ADARB2: variants seen among roughly 807,000 people sequenced by gnomAD.
The protein encoded by ADARB2 is adenosine deaminase RNA specific B2 (inactive).
In ADARB2, 25 loss-of-function variants were observed where a neutral mutation model predicts 62.2. That is an observed-to-expected ratio of 0.40 (90% CI 0.29 to 0.56). The LOEUF is 0.56. ADARB2 is among the 20% of genes least tolerant of loss of function. The probability of loss-of-function intolerance (pLI) is 0.43; values close to 1 mark genes in which losing one functional copy is unlikely to be tolerated. For missense variants in ADARB2, 1,071 were observed against 1,077.4 expected (o/e 0.99, Z 0.08); for synonymous variants, 572 against 500.8 (o/e 1.14, Z -1.90).
intron 1 of ADARB2, among the ~76,000 whole-genome samples, chr10:1,725,242 A>C (rs1835148571): frequency 6.6e-6 from 1 of 152,156 alleles, no homozygotes; most frequent in Admixed American, 6.5e-5. Context: ...TTTGCCTGGA[A>C]TGTGAGTAAA....
Position 1,341,385 on chromosome 10 carries a change from A to G in ADARB2, c.1077+21643T>C, listed in dbSNP as rs573685947. Among the ~76,000 whole-genome samples the G allele has an allele frequency of 2.7e-5, 4 of 149,362 alleles. No individual in the cohort carries two copies. The South Asian group carries it at 8.6e-4, about 32-fold the overall frequency. ...GATAATCAGCATCAGCCAGAGAACC[A>G]CATGCCCCACAGCGGCAATAACCAG... On this transcript the variant is annotated intron_variant, in intron 3 of 9. Coordinates refer to ENST00000381312, the MANE Select transcript of ADARB2 (RefSeq NM_018702.4).
intron 3 of ADARB2, among the ~76,000 whole-genome samples, chr10:1,273,343 C>T (rs1831282682): frequency 6.6e-6 from 1 of 152,180 alleles, no homozygotes; most frequent in African/African-American, 2.4e-5. Context: ...TCACTGCAAC[C>T]TTGAATTTTT....
At chr10:1,503,593 G>A (rs1221967422) in intron 1 of ADARB2, among the ~76,000 whole-genome samples, 16 of 152,052 alleles carry the variant, frequency 1.1e-4, no homozygotes, top group African/African-American at 3.9e-4. Context: ...ATAAAGGGCC[G>A]TGATATGGTT....
In ADARB2 at chr10:1,675,602, T is replaced by G. The variant is rs115721383; in HGVS notation, c.100+61449A>C. Among the ~76,000 whole-genome samples, 824 of 149,946 alleles carry G rather than the reference T, an allele frequency of 5.5e-3. 5 individuals carry two copies. Among genetic ancestry groups the G allele is most frequent in the African/African-American group, 0.019 (777 of 40,572 alleles). On this transcript the variant is annotated intron_variant, in intron 1 of 9. Coordinates refer to ENST00000381312, the MANE Select transcript of ADARB2 (RefSeq NM_018702.4). ...GGGATGCACGGAAGTTCTGGAGGCT[T>G]GGGTTGGGGGGTACATGGATGTTCT...
chr10:1,316,241 G>C (rs1448355836), intron 3 of ADARB2, among the ~76,000 whole-genome samples: 1 of 152,240 alleles, frequency 6.6e-6, no homozygotes, highest in Non-Finnish European at 1.5e-5. Flanking sequence ...ACATCCCTGT[G>C]ACAGGCGGCG....
intron 1 of ADARB2, among the ~76,000 whole-genome samples, chr10:1,681,977 C>T (rs929396439): frequency 6.6e-5 from 10 of 152,180 alleles, no homozygotes; most frequent in Non-Finnish European, 1.3e-4. Context: ...AATGAAATTC[C>T]CGAGCTTCGG....
At chr10:1,353,403 T>C (rs536773056) in intron 3 of ADARB2, among the ~76,000 whole-genome samples, 2 of 152,218 alleles carry the variant, frequency 1.3e-5, no homozygotes, top group Admixed American at 1.3e-4. Context: ...TGTACCCGCT[T>C]ACATGCAGAC....
intron 3 of ADARB2, among the ~76,000 whole-genome samples, chr10:1,360,280 C>T (rs138144271): frequency 5.1e-4 from 77 of 152,322 alleles, no homozygotes; most frequent in African/African-American, 1.7e-3. Flanking sequence ...TGCCCTTTTC[C>T]GAGCGTGGGA....
intron 1 of ADARB2, among the ~76,000 whole-genome samples, chr10:1,386,424 T>C (rs2820600): frequency 0.94 from 142,194 of 152,014 alleles, 67,229 homozygotes; most frequent in Non-Finnish European, 1. Context: ...CTACAAAAAC[T>C]TACTTCAAGT....
At chr10:1,376,897 G>C (rs1430196958) in intron 2 of ADARB2, among the ~76,000 whole-genome samples, 1 of 150,580 alleles carries the variant, frequency 6.6e-6, no homozygotes, top group Non-Finnish European at 1.5e-5. Flanking sequence ...GTGTGCTCCT[G>C]GGGTGTGTGT....
intron 6 of ADARB2, among the ~76,000 whole-genome samples, chr10:1,228,782 C>T (rs558690245): frequency 3.3e-5 from 5 of 152,324 alleles, no homozygotes; most frequent in Admixed American, 6.5e-5. Context: ...TGCCACAGAG[C>T]GGGGAGTCCA....
At chr10:1,323,900 A>C (rs1336022949) in intron 3 of ADARB2, among the ~76,000 whole-genome samples, 2 of 152,210 alleles carry the variant, frequency 1.3e-5, no homozygotes, top group African/African-American at 2.4e-5. Context: ...AAATGGAAGA[A>C]ATGGATTTCA....
At chr10:1,294,229 G>A (rs767709340) in intron 3 of ADARB2, among the ~76,000 whole-genome samples, 19 of 152,294 alleles carry the variant, frequency 1.2e-4, no homozygotes, top group East Asian at 7.7e-4. Context: ...TCTCTCCATC[G>A]GGGTGTGCTT....
intron 1 of ADARB2, among the ~76,000 whole-genome samples, chr10:1,724,983 T>A (rs1223438808): frequency 2.6e-5 from 4 of 152,188 alleles, no homozygotes; most frequent in African/African-American, 9.7e-5. Context: ...TAGGACAGGA[T>A]AAGGGCTCAG....
chr10:1,518,687 C>T (rs1248951486), intron 1 of ADARB2, among the ~76,000 whole-genome samples: 6 of 151,280 alleles, frequency 4.0e-5, no homozygotes, highest in African/African-American at 1.5e-4. Context: ...AAAGTCTGTA[C>T]ACAAAGTGGT....
chr10:1,225,361 T>A (rs1044629573), intron 6 of ADARB2, among the ~76,000 whole-genome samples: 4 of 150,264 alleles, frequency 2.7e-5, no homozygotes, highest in South Asian at 2.1e-4. Flanking sequence ...TTGACTCTTT[T>A]TCCAATTTGC....
rs1184577125 is a variant in ADARB2 at position 1,183,047 on chromosome 10, C to T, written c.*146G>A. The T allele has an allele frequency of 1.1e-6, 1 of 919,072 alleles. No homozygotes were observed. The highest frequency in any genetic ancestry group is 1.6e-6 in the Non-Finnish European group (1 of 622,788). The allele number at this position is 919,072 out of a possible 1,614,324, so 56.9% of individuals were successfully genotyped here. On this transcript the variant is annotated 3_prime_UTR_variant, in exon 10 of 10. Transcript: ENST00000381312. The stretch of plus-strand genomic sequence containing the variant: ...GGCACGTTCTGAATTTGTGTTGTTG[C>T]TCGTCCAAACATTGCACACTCGCGT...
intron 4 of ADARB2, among the ~76,000 whole-genome samples, chr10:1,270,373 CT>C (rs2131798446): frequency 6.6e-6 from 1 of 152,240 alleles, no homozygotes; most frequent in East Asian, 1.9e-4. Flanking sequence ...TCATTACACA[CT>C]CGTGAAAAAC....
intron 1 of ADARB2, among the ~76,000 whole-genome samples, chr10:1,472,747 G>A (rs1001059616): frequency 2.0e-5 from 3 of 152,150 alleles, no homozygotes; most frequent in African/African-American, 7.2e-5. Flanking sequence ...TTTTAGCGAT[G>A]GGAGGGCCCT....
Sources: gnomAD v4.1 joint callset for allele counts (sites outside exome capture counted in the v4.1 genomes callset) on GRCh38, gnomAD v4.1.1 for gene constraint, MANE v1.5 for transcripts, NCBI Gene and HGNC (gene_info 2026-07-23, HGNC 2026-07-21) for gene names.